GRIK4: variants seen among roughly 807,000 people sequenced by gnomAD.
GRIK4 encodes the protein glutamate ionotropic receptor kainate type subunit 4, also known as glutamate receptor ionotropic, kainate 4.
GRIK4 carries 40 observed loss-of-function variants against 104.9 expected under a neutral mutation model. The ratio of observed to expected loss-of-function variants is 0.38; its 90% CI spans 0.30 to 0.50. The LOEUF (loss-of-function observed/expected upper bound fraction) is 0.50, where lower values mean the gene tolerates loss of function less well. GRIK4 is among the 20% of genes least tolerant of loss of function. The pLI is 0.93. For synonymous variants in GRIK4, 485 were observed against 524.9 expected, an observed-to-expected ratio of 0.92 and a Z score of 1.04; for missense variants, 1,047 against 1,308.1, an observed-to-expected ratio of 0.80 and a Z score of 3.08.
chr11:120,774,333 T>C (rs1444485589), intron 3 of GRIK4, among the ~76,000 whole-genome samples: 1 of 152,114 alleles, frequency 6.6e-6, no homozygotes, highest in African/African-American at 2.4e-5. Flanking sequence ...TCTGTGTGTG[T>C]GTGTATTTGT....
Position 120,898,461 on chromosome 11 carries a change from G to A in GRIK4, c.1165-71G>A, listed in dbSNP as rs980764611. On this transcript the variant is annotated intron_variant, in intron 11 of 20. Coordinates refer to ENST00000527524, the MANE Select transcript of GRIK4 (RefSeq NM_014619.5). ...ACATGCAGCCCAGCCAGAGGCAGAGGTCAGCCTCTTGGCTCCTTCCAGCTC... is the reference window on the plus strand; with the variant it reads ...ACATGCAGCCCAGCCAGAGGCAGAGATCAGCCTCTTGGCTCCTTCCAGCTC... 2.4e-5 allele frequency: 20 copies of A among 850,100 alleles called. No individual in the cohort carries two copies. In the Middle Eastern group the frequency reaches 1.1e-3, roughly 46 times the overall value. The allele number at this position is 850,100 out of a possible 1,614,324, so 52.7% of individuals were successfully genotyped here. A position where few individuals can be genotyped will look rare whatever the true frequency, so the allele number is the denominator to read the frequency against.
At chr11:120,716,194 G>T (rs1484093654) in intron 3 of GRIK4, among the ~76,000 whole-genome samples, 1 of 129,766 alleles carries the variant, frequency 7.7e-6, no homozygotes, top group South Asian at 2.5e-4. Context: ...CAGAAGTCCA[G>T]ACCTGGATTT....
chr11:120,728,919 C>T (rs967561662), intron 3 of GRIK4, among the ~76,000 whole-genome samples: 1 of 152,168 alleles, frequency 6.6e-6, no homozygotes, highest in East Asian at 1.9e-4. Context: ...TCCCCACTAC[C>T]CTTCCTAGCC....
chr11:120,575,092 AG>A (rs1424026861), intron 1 of GRIK4, among the ~76,000 whole-genome samples: 6 of 152,194 alleles, frequency 3.9e-5, no homozygotes, highest in Non-Finnish European at 8.8e-5. Flanking sequence ...CCTGCTCATC[AG>A]GCTTCTCAGC....
intron 1 of GRIK4, among the ~76,000 whole-genome samples, chr11:120,596,128 G>A (rs1299984796): frequency 6.6e-6 from 1 of 152,220 alleles, no homozygotes; most frequent in Non-Finnish European, 1.5e-5. Flanking sequence ...TTACAGGCAC[G>A]GGCCACTGTG....
At chr11:120,794,658 C>A (rs1411145771) in intron 3 of GRIK4, among the ~76,000 whole-genome samples, 1 of 152,100 alleles carries the variant, frequency 6.6e-6, no homozygotes, top group East Asian at 1.9e-4. Flanking sequence ...TGGAGGAAAC[C>A]AGTCCTGCCC....
chr11:120,775,537 A>G lies in GRIK4; in HGVS notation c.83-27156A>G, dbSNP rs182223736. ...TTTGGAAAGTATAAAACATGACCAT[A>G]ATGACAGGTACTATTTGGAAATGCT... On this transcript the variant is annotated intron_variant, in intron 3 of 20. Coordinates refer to ENST00000527524, the MANE Select transcript of GRIK4 (RefSeq NM_014619.5). Among the ~76,000 whole-genome samples the G allele has an allele frequency of 1.2e-3, 182 of 152,358 alleles. 1 individual carries two copies. Among genetic ancestry groups the G allele is most frequent in the African/African-American group, 4.2e-3 (176 of 41,596 alleles).
chr11:120,694,333 C>T (rs927701718), intron 3 of GRIK4, among the ~76,000 whole-genome samples: 2 of 152,156 alleles, frequency 1.3e-5, no homozygotes, highest in African/African-American at 4.8e-5. Flanking sequence ...CAGGCTCTTC[C>T]GCCTCTCAGC....
intron 4 of GRIK4, among the ~76,000 whole-genome samples, chr11:120,807,884 T>G (rs1952747848): frequency 6.6e-6 from 1 of 152,140 alleles, no homozygotes; most frequent in Non-Finnish European, 1.5e-5. Flanking sequence ...TGTACACATC[T>G]GCAAAACGAC....
intron 1 of GRIK4, among the ~76,000 whole-genome samples, chr11:120,610,193 C>T (rs1207717459): frequency 2.6e-5 from 4 of 152,204 alleles, no homozygotes; most frequent in African/African-American, 9.7e-5. Context: ...CGTGAGCCTT[C>T]CACAGGAGAG....
At chr11:120,929,037 G>A (rs370947238) in intron 13 of GRIK4, among the ~76,000 whole-genome samples, 3 of 151,246 alleles carry the variant, frequency 2.0e-5, no homozygotes, top group African/African-American at 7.4e-5. Context: ...GTGTGTGTGT[G>A]TGTGTCTGTG....
chr11:120,554,652 G>A (rs1001235497), intron 1 of GRIK4, among the ~76,000 whole-genome samples: 4 of 151,682 alleles, frequency 2.6e-5, no homozygotes, highest in Admixed American at 1.3e-4. Context: ...TCCGCCTCCC[G>A]GGTTCAAGCG....
At chr11:120,731,314 A>G (rs1565319766) in intron 3 of GRIK4, among the ~76,000 whole-genome samples, 2 of 152,008 alleles carry the variant, frequency 1.3e-5, no homozygotes, top group African/African-American at 4.8e-5. Context: ...CTTTTCAGCA[A>G]CAATTGAAAT....
chr11:120,780,298 C>A (rs1352928552), intron 3 of GRIK4, among the ~76,000 whole-genome samples: 2 of 152,210 alleles, frequency 1.3e-5, no homozygotes, highest in African/African-American at 4.8e-5. Flanking sequence ...AACTGAAATT[C>A]TGTGTTTATT....
chr11:120,650,951 G>A (rs1949610528), intron 1 of GRIK4, among the ~76,000 whole-genome samples: 1 of 152,144 alleles, frequency 6.6e-6, no homozygotes, highest in South Asian at 2.1e-4. Flanking sequence ...AGAGGAAATG[G>A]AAGCCCCAAG....
chr11:120,697,375 G>T (rs572913161), intron 3 of GRIK4, among the ~76,000 whole-genome samples: 1 of 152,310 alleles, frequency 6.6e-6, no homozygotes, highest in South Asian at 2.1e-4. Flanking sequence ...CAGCATCTTG[G>T]GAGGCTGAGG....
chr11:120,551,650 G>T (rs770709547), intron 1 of GRIK4, among the ~76,000 whole-genome samples: 8 of 152,022 alleles, frequency 5.3e-5, no homozygotes, highest in Non-Finnish European at 1.0e-4. Flanking sequence ...GCGTGGTGGT[G>T]GGCGCCTTTA....
chr11:120,929,476 C>T (rs760135750), intron 13 of GRIK4, among the ~76,000 whole-genome samples: 20 of 151,992 alleles, frequency 1.3e-4, no homozygotes, highest in Non-Finnish European at 2.5e-4. Context: ...GAAAGCCGCC[C>T]GCAGGTAAAC....
intron 1 of GRIK4, among the ~76,000 whole-genome samples, chr11:120,563,009 C>T (rs1173285746): frequency 2.6e-5 from 4 of 152,134 alleles, no homozygotes; most frequent in African/African-American, 4.8e-5. Flanking sequence ...ATGTGACTGC[C>T]GAGATGTCAG....
Sources: allele counts gnomAD v4.1 joint callset (sites outside exome capture counted in the v4.1 genomes callset), GRCh38; gene constraint gnomAD v4.1.1; transcripts MANE v1.5; gene names NCBI Gene and HGNC (gene_info 2026-07-23, HGNC 2026-07-21).